ANKRD45: variants seen among roughly 807,000 people sequenced by gnomAD.
The protein encoded by ANKRD45 is ankyrin repeat domain 45, also known as ankyrin repeat domain-containing protein 45.
A neutral mutation model predicts 28.1 loss-of-function variants in ANKRD45; 21 were observed. The ratio of observed to expected loss-of-function variants is 0.75; its 90% CI spans 0.53 to 1.08. The LOEUF is 1.08. ANKRD45 is among the 50% of genes least tolerant of loss of function. The pLI is 0.00. For synonymous variants in ANKRD45, 86 were observed against 103.9 expected (o/e 0.83, Z 1.05); for missense variants, 261 against 308.7 (o/e 0.85, Z 1.16).
At chr1:173,659,539 T>A in intron 1 of ANKRD45, 106 bp from the exon 2 acceptor site, 2 of 984,416 alleles carry the variant, frequency 2.0e-6, no homozygotes, top group Non-Finnish European at 2.8e-6. Context: ...TAAAAATACT[T>A]AACTATTTGA....
At chr1:173,653,615 T>C (rs190032673) in intron 2 of ANKRD45, among the ~76,000 whole-genome samples, 42 of 152,320 alleles carry the variant, frequency 2.8e-4, no homozygotes, top group African/African-American at 9.4e-4. Flanking sequence ...CTATTAGGTC[T>C]GCTTGGTGCA....
chr1:173,647,229 A>T (rs1668976465), intron 2 of ANKRD45, among the ~76,000 whole-genome samples: 1 of 152,248 alleles, frequency 6.6e-6, no homozygotes, highest in Admixed American at 6.5e-5. Context: ...AGGAAACTAA[A>T]GTCCAGGTGG....
At chr1:173,711,702 C>A in the ANKRD45 span, among the ~76,000 whole-genome samples, 2 of 152,114 alleles carry the variant, frequency 1.3e-5, no homozygotes, top group Non-Finnish European at 2.9e-5. Context: ...TTCAGGCTCC[C>A]GAAGGGCATA....
At chr1:173,695,069 T>C in the ANKRD45 span, among the ~76,000 whole-genome samples, 8 of 152,340 alleles carry the variant, frequency 5.3e-5, no homozygotes, top group South Asian at 1.0e-3. Context: ...TGGCCCTTCC[T>C]ACCTATGTTA....
the ANKRD45 span, among the ~76,000 whole-genome samples, chr1:173,690,062 G>GCCCCCCC: frequency 1.9e-5 from 1 of 52,866 alleles, no homozygotes; most frequent in African/African-American, 5.7e-5. Context: ...CCTGCCCCCC[G>GCCCCCCC]CCCCCCCCCC....
chr1:173,712,628 C>A, the ANKRD45 span, among the ~76,000 whole-genome samples: 3 of 152,018 alleles, frequency 2.0e-5, no homozygotes, highest in East Asian at 1.9e-4. Context: ...GCGTGCACAC[C>A]CCAAAGAAAC....
chr1:173,640,860 G>A (rs1026773132), intron 3 of ANKRD45, among the ~76,000 whole-genome samples: 41 of 152,260 alleles, frequency 2.7e-4, no homozygotes, highest in African/African-American at 6.7e-4. Flanking sequence ...AGACTTCCAC[G>A]GAAGAGGTTT....
At position 173,613,566 on chromosome 1, in the gene ANKRD45, C is replaced by T. The variant is rs1377478866; in HGVS notation, c.731-3351G>A. Among the ~76,000 whole-genome samples the T allele has an allele frequency of 6.7e-5, 10 of 148,950 alleles. No homozygotes were observed. In the East Asian group the frequency reaches 2.0e-3, roughly 30 times the overall value. ...CGGGAGGGAGGTGGGGGGTCAGCCCCCCCCCCGGCCAGCCGCCCCGTCCGG... is the reference window on the plus strand; with the variant it reads ...CGGGAGGGAGGTGGGGGGTCAGCCCTCCCCCCGGCCAGCCGCCCCGTCCGG... On this transcript the variant is annotated intron_variant, in intron 5 of 5. Transcript: ENST00000333279.
At chr1:173,629,301 C>T (rs1000593185) in intron 3 of ANKRD45, among the ~76,000 whole-genome samples, 1 of 152,162 alleles carries the variant, frequency 6.6e-6, no homozygotes, top group African/African-American at 2.4e-5. Flanking sequence ...ATCAAACAAA[C>T]TAAGTAAGGC....
the ANKRD45 span, among the ~76,000 whole-genome samples, chr1:173,676,274 A>C: frequency 6.6e-6 from 1 of 152,220 alleles, no homozygotes; most frequent in Non-Finnish European, 1.5e-5. Context: ...GAATACTCAC[A>C]AATAGTTTCC....
At chr1:173,659,467 C>T (rs1669689310) in intron 1 of ANKRD45, 34 bp from the exon 2 acceptor site, 1 of 1,480,866 alleles carries the variant, frequency 6.8e-7, no homozygotes, top group African/African-American at 1.4e-5. Flanking sequence ...TGATAAAAAT[C>T]TACTCAAACA....
chr1:173,667,802 C>A, intron 1 of ANKRD45: 2 of 392,142 alleles, frequency 5.1e-6, no homozygotes, highest in Admixed American at 3.4e-5. Flanking sequence ...TTAAAATACT[C>A]TTCCCTTTTC....
chr1:173,610,597 C>T (rs1252328227), intron 5 of ANKRD45, among the ~76,000 whole-genome samples: 6 of 150,866 alleles, frequency 4.0e-5, no homozygotes, highest in Admixed American at 1.3e-4. Flanking sequence ...TATAGGGGGT[C>T]GGGGGAGAGA....
the ANKRD45 span, among the ~76,000 whole-genome samples, chr1:173,688,427 T>G: frequency 6.8e-6 from 1 of 146,672 alleles, no homozygotes; most frequent in African/African-American, 2.5e-5. Flanking sequence ...TCTCTGCCTC[T>G]TCCTCTCTCT....
the ANKRD45 span, among the ~76,000 whole-genome samples, chr1:173,693,846 C>G: frequency 6.6e-6 from 1 of 152,192 alleles, no homozygotes; most frequent in Non-Finnish European, 1.5e-5. Context: ...CCTTAGCCCC[C>G]ACATCTATAA....
rs558164172 is a variant in ANKRD45 at position 173,613,473 on chromosome 1, C to T, written c.731-3258G>A. 5.3e-5 allele frequency among the ~76,000 whole-genome samples: 8 copies of T among 150,442 alleles called. 1 individual carries two copies. In the South Asian group the frequency reaches 6.3e-4, roughly 12 times the overall value. On this transcript the variant is annotated intron_variant, in intron 5 of 5. Transcript: ENST00000333279. ...TGGGAGGGAGGTGGGGGGCAGCCCC[C>T]GCCCGGCCAGCCGCCCCGTCCGGGA... is the stretch of plus-strand genomic sequence containing the variant.
At chr1:173,646,689 CAAAG>C (rs2102360145) in intron 3 of ANKRD45, among the ~76,000 whole-genome samples, 153 bp downstream of exon 3, 1 of 152,172 alleles carries the variant, frequency 6.6e-6, no homozygotes. Flanking sequence ...AATAGCAAAA[CAAAG>C]AAAGAGGGGG....
At chr1:173,613,133 T>C (rs1667253421) in intron 5 of ANKRD45, among the ~76,000 whole-genome samples, 1 of 150,816 alleles carries the variant, frequency 6.6e-6, no homozygotes, top group Non-Finnish European at 1.5e-5. Flanking sequence ...CGCCATCCTG[T>C]CTAGGAAGTG....
intron 5 of ANKRD45, chr1:173,612,657 A>C (rs1255544528): frequency 6.5e-6 from 1 of 154,408 alleles, no homozygotes; most frequent in African/African-American, 2.4e-5. Flanking sequence ...GCTGGACTGT[A>C]CTGCTGCCAT....
Sources: gnomAD v4.1 joint callset for allele counts (sites outside exome capture counted in the v4.1 genomes callset) on GRCh38, gnomAD v4.1.1 for gene constraint, MANE v1.5 for transcripts, NCBI Gene and HGNC (gene_info 2026-07-23, HGNC 2026-07-21) for gene names.